The following PSAP variants were observed in gnomAD, a reference collection of about 807,000 sequenced individuals.
The protein encoded by PSAP is prosaposin.
Under a neutral mutation model 66.0 loss-of-function variants are expected in PSAP, and 25 were observed. The ratio of observed to expected loss-of-function variants is 0.38; its 90% CI spans 0.28 to 0.53. The LOEUF (loss-of-function observed/expected upper bound fraction) is 0.53, where lower values mean the gene tolerates loss of function less well. Ranked by LOEUF, PSAP falls within the 20% of genes least tolerant of loss-of-function variation. The pLI is 0.83. For missense variants in PSAP, 649 were observed against 668.8 expected, an observed-to-expected ratio of 0.97 and a Z score of 0.33; for synonymous variants, 273 against 258.9, an observed-to-expected ratio of 1.05 and a Z score of -0.52.
At chr10:71,850,107 T>C (rs1264322716) in intron 1 of PSAP, among the ~76,000 whole-genome samples, 1 of 152,234 alleles carries the variant, frequency 6.6e-6, no homozygotes, top group African/African-American at 2.4e-5. Flanking sequence ...TTGCCATACC[T>C]TGAAATTGCC....
rs1470913201 is a variant in PSAP, at chr10:71,834,410, T to G, written c.136A>C (p.Lys46Gln). The G allele has an allele frequency of 1.9e-6, 3 of 1,614,084 alleles. No homozygotes were observed. Among genetic ancestry groups the G allele is most frequent in the Non-Finnish European group, 2.5e-6 (3 of 1,180,020 alleles). ...VKTASDCGAV[K>Q]HCLQTVWNKP... ...TTCCAAACGGTCTGCAGGCAGTGCT[T>G]CACTGCCCCGCAGTCGGACGCCGTC... The change falls in exon 2 of 14, where the codon AAG (lysine) becomes CAG (glutamine). Residue 46 changes from lysine (K) to glutamine (Q), a missense_variant. Transcript: ENST00000394936.
intron 7 of PSAP, chr10:71,824,027 A>C (rs530756577): frequency 8.1e-6 from 5 of 618,614 alleles, no homozygotes; most frequent in South Asian, 7.5e-5. Flanking sequence ...TTCAGGGGAA[A>C]TGCTCTTGCA....
At chr10:71,825,578 AACGG>A in intron 7 of PSAP, 1 of 554,572 alleles carries the variant, frequency 1.8e-6, no homozygotes, top group Non-Finnish European at 3.4e-6. Flanking sequence ...GGCTGGCCTG[AACGG>A]GCAGAGGCAA....
chr10:71,844,405 C>T (rs1842782833), intron 1 of PSAP, among the ~76,000 whole-genome samples: 1 of 152,318 alleles, frequency 6.6e-6, no homozygotes, highest in South Asian at 2.1e-4. Flanking sequence ...GTGGCTTATG[C>T]CTCTAATCCC....
At chr10:71,819,941 G>A (rs770084844) in intron 9 of PSAP, 41 bp from the exon 10 acceptor site, 68 of 1,551,318 alleles carry the variant, frequency 4.4e-5, no homozygotes, top group South Asian at 3.5e-4. Flanking sequence ...ACGGGAGGCC[G>A]GACAAGGGTT....
chr10:71,835,387 C>G (rs562715283), intron 1 of PSAP, among the ~76,000 whole-genome samples: 1 of 151,970 alleles, frequency 6.6e-6, no homozygotes. Context: ...CGAGACCAGC[C>G]TGGGCAACAT....
intron 7 of PSAP, chr10:71,823,864 G>A (rs1204688566): frequency 7.7e-7 from 1 of 1,291,236 alleles, no homozygotes. Context: ...GACCACTACT[G>A]CAAGCAGATT....
intron 7 of PSAP, among the ~76,000 whole-genome samples, chr10:71,825,421 G>T (rs1481195672): frequency 1.3e-5 from 2 of 152,340 alleles, no homozygotes; most frequent in East Asian, 3.9e-4. Context: ...CAGCTTCAGC[G>T]GACGCTGCTG....
rs1205195743 is a variant in PSAP, at chr10:71,818,745, AG to A, written c.1432-22del. 1.9e-6 allele frequency: 3 copies of A among 1,592,634 alleles called. No individual in the cohort carries two copies. In the Admixed American group the frequency reaches 5.0e-5, roughly 27 times the overall value. ...ATTTTCTATATGGTGAGAAAAGGAA[AG>A]AAGAAAGGGGGAGAATGAGAGCTGC... On this transcript the variant is annotated intron_variant, in intron 12 of 13. Transcript: ENST00000394936.
rs758866050 is a variant in PSAP, at chr10:71,821,910, A to C, written c.875T>G (p.Val292Gly). 11 of 1,614,096 alleles carry C rather than the reference A, an allele frequency of 6.8e-6. No homozygotes were observed. The South Asian group carries it at 1.2e-4, about 18-fold the overall frequency. Residue 292 changes from valine to glycine, a missense_variant, in exon 8 of 14, where the codon GTC becomes GGC. Physicochemically the swap from Val to Gly is moderately radical, Grantham distance 109. Transcript: ENST00000394936. ...LVPAKVASKNVIPALELVEPI... is the reference protein window; with the variant it reads ...LVPAKVASKNGIPALELVEPI... ...CTCCACCAGTTCCAGGGCAGGGATG[A>C]CATTCTTGGAGGCCACTTTGGCGGG...
chr10:71,833,233 G>A (rs547489195), intron 2 of PSAP, among the ~76,000 whole-genome samples: 97 of 152,262 alleles, frequency 6.4e-4, no homozygotes, highest in African/African-American at 2.3e-3. Flanking sequence ...GGAGGCAGGA[G>A]GATGACCTTA....
Position 71,825,828 on chromosome 10 carries a change from G to A in PSAP, c.777+9C>T, listed in dbSNP as rs774490507. ...AAAAATGCTAACAAGGGGCCTCCGT[G>A]CCACCTACCATGTGCATCATCATCT... On this transcript the variant is annotated intron_variant, in intron 7 of 13. Transcript: ENST00000394936. The A allele has an allele frequency of 4.3e-6, 7 of 1,610,660 alleles. No individual in the cohort carries two copies. Among genetic ancestry groups the A allele is most frequent in the Admixed American group, 3.3e-5 (2 of 60,016 alleles).
At position 71,819,491 on chromosome 10, in the gene PSAP, A is replaced by C. The variant is rs1188206345; in HGVS notation, c.1324T>G (p.Phe442Val). The C allele has an allele frequency of 6.2e-7, 1 of 1,614,222 alleles. No homozygotes were observed. The highest frequency in any genetic ancestry group is 1.7e-5 in the Admixed American group (1 of 60,036). Residue 442 changes from phenylalanine (F) to valine (V), a missense_variant, in exon 11 of 14, where the codon TTC becomes GTC. By Grantham distance (50) the Phe-to-Val change is conservative. Transcript: ENST00000394936. ...TGCTTCTGGTAAGGGTCTGGCAGGA[A>C]GCTGCAGCCTTTCTCAAGAGCAGCC... ...ILAALEKGCSFLPDPYQKQCD... is the reference protein window; with the variant it reads ...ILAALEKGCSVLPDPYQKQCD...
chr10:71,836,712 T>G (rs1050274691), intron 1 of PSAP, among the ~76,000 whole-genome samples: 1 of 152,124 alleles, frequency 6.6e-6, no homozygotes, highest in African/African-American at 2.4e-5. Flanking sequence ...TTAAAAATGC[T>G]CATCCAGTGT....
chr10:71,825,218 G>A (rs1323311938), intron 7 of PSAP, among the ~76,000 whole-genome samples: 2 of 152,192 alleles, frequency 1.3e-5, no homozygotes, highest in African/African-American at 2.4e-5. Context: ...CAGGGAAAAG[G>A]TGCCCCCCAC....
intron 1 of PSAP, among the ~76,000 whole-genome samples, chr10:71,842,749 G>A (rs1001177505): frequency 3.3e-5 from 5 of 152,084 alleles, no homozygotes; most frequent in African/African-American, 1.2e-4. Flanking sequence ...GGAGGGGCAG[G>A]TCCCAAACTA....
chr10:71,847,217 G>T (rs1344071734), intron 1 of PSAP, among the ~76,000 whole-genome samples: 3 of 152,102 alleles, frequency 2.0e-5, no homozygotes, highest in African/African-American at 7.2e-5. Flanking sequence ...CACTTTGGGA[G>T]GCCGAGGCAG....
Position 71,816,508 on chromosome 10 carries a change from C to A in PSAP, c.*933G>T, listed in dbSNP as rs968500469. On this transcript the variant is annotated 3_prime_UTR_variant, in exon 14 of 14. Transcript: ENST00000394936. The stretch of plus-strand genomic sequence containing the variant: ...TCCAATCCACACCCAGCAGACCCTT[C>A]GGCATGCCGCCCTCTACCAGGAAGC... The A allele has an allele frequency of 2.2e-6, 1 of 464,012 alleles. No individual in the cohort carries two copies. Among genetic ancestry groups the A allele is most frequent in the South Asian group, 1.6e-5 (1 of 64,456 alleles). The allele number at this position is 464,012 out of a possible 1,614,324, so 28.7% of individuals were successfully genotyped here.
intron 11 of PSAP, 127 bp downstream of exon 11, chr10:71,819,338 T>C (rs112304526): frequency 7.1e-7 from 1 of 1,415,444 alleles, no homozygotes; most frequent in African/African-American, 1.4e-5. Context: ...CACCTCCAAG[T>C]AAAACTTCAT....
Sources: gnomAD v4.1 joint callset for allele counts (sites outside exome capture counted in the v4.1 genomes callset) on GRCh38, gnomAD v4.1.1 for gene constraint, MANE v1.5 for transcripts, NCBI Gene and HGNC (gene_info 2026-07-23, HGNC 2026-07-21) for gene names.